Variants in RAB19 observed in about 807,000 individuals in gnomAD.
RAB19 encodes RAB19, member RAS oncogene family.
In RAB19, 21 loss-of-function variants were observed where a neutral mutation model predicts 17.3. That is an observed-to-expected ratio of 1.21 (90% CI 0.86 to 1.74). The LOEUF (loss-of-function observed/expected upper bound fraction) is 1.74. RAB19 is among the 40% of genes most tolerant of loss of function. The pLI, the probability that RAB19 is intolerant of heterozygous loss-of-function variation, is 0.00. For missense variants in RAB19, 277 were observed against 286.8 expected, an observed-to-expected ratio of 0.97 and a Z score of 0.25; for synonymous variants, 126 against 110.4, an observed-to-expected ratio of 1.14 and a Z score of -0.88.
intron 3 of RAB19, among the ~76,000 whole-genome samples, chr7:140,415,910 A>T (rs902632757): frequency 1.3e-5 from 2 of 151,920 alleles, no homozygotes; most frequent in Admixed American, 1.3e-4. Flanking sequence ...GTCTCAAAAA[A>T]AAAAAATTAT....
At chr7:140,407,878 ACCT>A (rs1799275345) in intron 2 of RAB19, 31 bp downstream of exon 2, 83 of 835,394 alleles carry the variant, frequency 9.9e-5, no homozygotes, top group Middle Eastern at 4.0e-4. Flanking sequence ...GACTGGTTCC[ACCT>A]TTTTTTTTTT....
chr7:140,407,436 C>T, intron 1 of RAB19, 188 bp from the exon 2 acceptor site: 1 of 551,808 alleles, frequency 1.8e-6, no homozygotes. Context: ...TCCAAGAGCA[C>T]CCCTAAAGTA....
In RAB19 at chr7:140,426,247, C is replaced by G; in HGVS notation, c.*97C>G. Reference sequence around the variant, plus strand: ...TGTTGCCCCAGTGGCGCTTTAGACCCCAGCGTGGACTTGCCGCTCACCCCT... The same window carrying G: ...TGTTGCCCCAGTGGCGCTTTAGACCGCAGCGTGGACTTGCCGCTCACCCCT... On this transcript the variant is annotated 3_prime_UTR_variant, in exon 4 of 4. Coordinates refer to ENST00000537763, the MANE Select transcript of RAB19 (RefSeq NM_001008749.3). 1 of 1,415,378 alleles carries G rather than the reference C, an allele frequency of 7.1e-7. No homozygotes were observed. Among genetic ancestry groups the G allele is most frequent in the South Asian group, 1.4e-5 (1 of 71,508 alleles). 87.7% of individuals were successfully genotyped at this position (1,415,378 alleles called of 1,614,324 possible).
rs1799691867 is a variant in RAB19 at position 140,427,507 on chromosome 7, A to G, written c.*1357A>G. On this transcript the variant is annotated 3_prime_UTR_variant, in exon 4 of 4. Coordinates refer to ENST00000537763, the MANE Select transcript of RAB19 (RefSeq NM_001008749.3). The stretch of plus-strand genomic sequence containing the variant: ...GCTCTTGTTGCCCAGGCTGGAGTGC[A>G]ATGGTGTGACCTCGGCTCACTGCAA... Among the ~76,000 whole-genome samples, 1 of 145,328 alleles carries G rather than the reference A, an allele frequency of 6.9e-6. No individual in the cohort carries two copies. The highest frequency in any genetic ancestry group is 1.5e-5 in the Non-Finnish European group (1 of 66,864).
intron 3 of RAB19, among the ~76,000 whole-genome samples, chr7:140,416,860 T>C (rs1351824397): frequency 6.6e-6 from 1 of 151,696 alleles, no homozygotes; most frequent in Non-Finnish European, 1.5e-5. Context: ...GAAGTTGAGG[T>C]GGGAAGATTG....
chr7:140,423,567 A>T (rs1191902451), intron 3 of RAB19, among the ~76,000 whole-genome samples: 4 of 152,248 alleles, frequency 2.6e-5, no homozygotes, highest in African/African-American at 9.6e-5. Context: ...TCTCAGAGGA[A>T]TTATGCTGAG....
At chr7:140,418,717 G>A (rs1233029197) in intron 3 of RAB19, among the ~76,000 whole-genome samples, 2 of 151,704 alleles carry the variant, frequency 1.3e-5, no homozygotes, top group Non-Finnish European at 2.9e-5. Flanking sequence ...AAATTAGCTG[G>A]GTATGATGGC....
In RAB19 at chr7:140,427,891, A is replaced by G. The variant is rs1283081738; in HGVS notation, c.*1741A>G. Among the ~76,000 whole-genome samples the G allele has an allele frequency of 4.0e-5, 6 of 151,806 alleles. No individual in the cohort carries two copies. The highest frequency in any genetic ancestry group is 1.5e-4 in the African/African-American group (6 of 41,142). On this transcript the variant is annotated 3_prime_UTR_variant, in exon 4 of 4. Coordinates refer to ENST00000537763, the MANE Select transcript of RAB19 (RefSeq NM_001008749.3). ...AGGCATGAGCCACCATGCCTGGCAC[A>G]ATTTCTTTCTAGAACCCAAATCATC...
intron 3 of RAB19, among the ~76,000 whole-genome samples, chr7:140,414,229 A>G (rs1173001202): frequency 1.3e-5 from 2 of 151,986 alleles, no homozygotes; most frequent in African/African-American, 4.8e-5. Flanking sequence ...TTTAGTAGAG[A>G]CAGGATTTCA....
chr7:140,425,680 C>T (rs1018956923), intron 3 of RAB19, among the ~76,000 whole-genome samples: 13 of 151,546 alleles, frequency 8.6e-5, no homozygotes, highest in African/African-American at 2.7e-4. Context: ...GCCAAGATTG[C>T]GCCATTGCAC....
At chr7:140,418,537 C>G (rs1259387686) in intron 3 of RAB19, among the ~76,000 whole-genome samples, 1 of 150,456 alleles carries the variant, frequency 6.6e-6, no homozygotes, top group Non-Finnish European at 1.5e-5. Context: ...GATTGCGCCA[C>G]TGCACTCCAG....
At chr7:140,415,751 A>G (rs1799444297) in intron 3 of RAB19, among the ~76,000 whole-genome samples, 1 of 137,422 alleles carries the variant, frequency 7.3e-6, no homozygotes, top group Non-Finnish European at 1.6e-5. Flanking sequence ...ATAAAAATAC[A>G]AAAATTAGCC....
At chr7:140,407,206 GT>G (rs1799259672) in intron 1 of RAB19, among the ~76,000 whole-genome samples, 1 of 152,162 alleles carries the variant, frequency 6.6e-6, no homozygotes, top group Non-Finnish European at 1.5e-5. Context: ...TCTTACAGCA[GT>G]TGGGAATCTT....
chr7:140,427,701 C>T lies in RAB19; in HGVS notation c.*1551C>T, dbSNP rs533193713. ...TCCTGACCTCATGATCCACCTGTCT[C>T]GTGGCCTCCCAAAGTGCTGGGATTA... On this transcript the variant is annotated 3_prime_UTR_variant, in exon 4 of 4. Transcript: ENST00000537763. Among the ~76,000 whole-genome samples the T allele has an allele frequency of 4.6e-5, 7 of 152,066 alleles. No homozygotes were observed. The highest frequency in any genetic ancestry group is 3.9e-4 in the East Asian group (2 of 5,168).
Position 140,409,193 on chromosome 7 carries a change from G to A in RAB19, c.201+1346G>A, listed in dbSNP as rs1464499778. Among the ~76,000 whole-genome samples the A allele has an allele frequency of 4.0e-5, 6 of 149,294 alleles. No homozygotes were observed. The East Asian group carries it at 6.2e-4, about 15-fold the overall frequency. On this transcript the variant is annotated intron_variant, in intron 2 of 3. Transcript: ENST00000537763. ...AGCCTGGCCAACATGGTGAAACCCT[G>A]TCTCTACTAAAAATACAAAAATTAT...
At chr7:140,417,071 C>CAAAAA (rs11422658) in intron 3 of RAB19, among the ~76,000 whole-genome samples, 8 of 136,216 alleles carry the variant, frequency 5.9e-5, no homozygotes, top group African/African-American at 2.2e-4. Context: ...ACTAAAAATA[C>CAAAAA]AAAAAAAAAA....
chr7:140,406,469 G>A (rs554692309), intron 1 of RAB19, among the ~76,000 whole-genome samples: 34 of 151,284 alleles, frequency 2.2e-4, no homozygotes, highest in African/African-American at 7.8e-4. Context: ...GTGAAACCCC[G>A]TCTCTACTAA....
chr7:140,425,637 T>G (rs1437631439), intron 3 of RAB19, among the ~76,000 whole-genome samples: 2 of 151,458 alleles, frequency 1.3e-5, no homozygotes, highest in African/African-American at 2.4e-5. Context: ...GGCAGGAGAA[T>G]CGCTTGAACC....
intron 2 of RAB19, chr7:140,411,087 A>C: frequency 7.3e-7 from 1 of 1,367,746 alleles, no homozygotes; most frequent in Non-Finnish European, 9.8e-7. Flanking sequence ...CAAAGAACAC[A>C]AGACCCCAGG....
Sources: gnomAD v4.1 joint callset for allele counts (sites outside exome capture counted in the v4.1 genomes callset) on GRCh38, gnomAD v4.1.1 for gene constraint, MANE v1.5 for transcripts, NCBI Gene and HGNC (gene_info 2026-07-23, HGNC 2026-07-21) for gene names.